Variants in TRIM14 observed in about 807,000 individuals in gnomAD.
TRIM14 encodes the protein tripartite motif containing 14.
Under a neutral mutation model 44.5 loss-of-function variants are expected in TRIM14, and 28 were observed. The observed-to-expected ratio is 0.63, with a 90% CI of 0.47 to 0.86. The LOEUF is 0.86. TRIM14 is among the 40% of genes least tolerant of loss of function. The pLI is 0.00. For synonymous variants in TRIM14, 299 were observed against 269.2 expected, an observed-to-expected ratio of 1.11 and a Z score of -1.08; for missense variants, 607 against 611.1, an observed-to-expected ratio of 0.99 and a Z score of 0.07.
At position 98,117,822 on chromosome 9, in the gene TRIM14, G is replaced by A. The variant is rs149533245; in HGVS notation, c.207+1160C>T. Among the ~76,000 whole-genome samples the A allele has an allele frequency of 3.5e-4, 54 of 152,262 alleles. 1 individual carries two copies. The East Asian group carries it at 9.8e-3, about 28-fold the overall frequency. ...AGTTGACAGTAGGTAGTGGGTAGGG[G>A]GATGGACAAATGGATGGGTGAGACT... On this transcript the variant is annotated intron_variant, in intron 1 of 5. Coordinates refer to ENST00000341469, the MANE Select transcript of TRIM14 (RefSeq NM_014788.4).
At chr9:98,076,812 C>A in intron 6 of TRIM14, 2 of 845,956 alleles carry the variant, frequency 2.4e-6, no homozygotes, top group Admixed American at 2.6e-5. Context: ...CGTCCCTCTA[C>A]TGCCTAAGAT....
the TRIM14 span, chr9:98,056,889 G>C: frequency 1.2e-6 from 2 of 1,611,152 alleles, no homozygotes; most frequent in Admixed American, 3.3e-5. Flanking sequence ...AGATCGGCCA[G>C]AACCACCAGG....
At chr9:98,101,024 T>C (rs543107050) in intron 2 of TRIM14, among the ~76,000 whole-genome samples, 1 of 152,312 alleles carries the variant, frequency 6.6e-6, no homozygotes, top group African/African-American at 2.4e-5. Flanking sequence ...TTGTCCAGGC[T>C]GAGTGCAGTG....
At chr9:98,075,880 G>A (rs1829569300) in intron 6 of TRIM14, 1 of 152,106 alleles carries the variant, frequency 6.6e-6, no homozygotes, top group South Asian at 2.1e-4. Flanking sequence ...AAGTTTTTGA[G>A]TTCTTATAAT....
At chr9:98,111,782 T>G (rs138758509) in intron 1 of TRIM14, among the ~76,000 whole-genome samples, 1 of 151,714 alleles carries the variant, frequency 6.6e-6, no homozygotes, top group East Asian at 2.0e-4. Flanking sequence ...CTACTACAAA[T>G]ACAAAATTAG....
At chr9:98,107,407 T>TA (rs902309295) in intron 2 of TRIM14, among the ~76,000 whole-genome samples, 4 of 152,190 alleles carry the variant, frequency 2.6e-5, no homozygotes, top group African/African-American at 7.2e-5. Context: ...GTAAATGGTT[T>TA]AAAAAACCTC....
downstream of TRIM14, among the ~76,000 whole-genome samples, chr9:98,083,866 T>TATA (rs1251058530): frequency 6.6e-6 from 1 of 152,212 alleles, no homozygotes; most frequent in African/African-American, 2.4e-5. Context: ...GAGTTCAAGC[T>TATA]ATAATACGAT....
chr9:98,049,709 T>C, the TRIM14 span, among the ~76,000 whole-genome samples: 1 of 152,152 alleles, frequency 6.6e-6, no homozygotes, highest in South Asian at 2.1e-4. Context: ...CCACTACTTT[T>C]TATCAGCAAG....
intron 2 of TRIM14, 101 bp from the exon 3 acceptor site, chr9:98,100,265 TA>T: frequency 9.5e-7 from 1 of 1,049,140 alleles, no homozygotes; most frequent in African/African-American, 1.6e-5. Context: ...GTGAGTTCAG[TA>T]AAGTGGCCAG....
intron 1 of TRIM14, among the ~76,000 whole-genome samples, chr9:98,116,606 G>T (rs961471503): frequency 1.3e-5 from 2 of 151,996 alleles, no homozygotes; most frequent in Admixed American, 1.3e-4. Flanking sequence ...GAAGGCTGAG[G>T]CAAGAGGATC....
chr9:98,118,938 T>G (rs889110726), intron 1 of TRIM14, 44 bp downstream of exon 1: 1 of 1,452,352 alleles, frequency 6.9e-7, no homozygotes, highest in East Asian at 2.9e-5. Context: ...CTGGGCTGGC[T>G]CCCCCAACTC....
chr9:98,081,689 G>A (rs1829869910), downstream of TRIM14: 1 of 152,464 alleles, frequency 6.6e-6, no homozygotes, highest in Non-Finnish European at 1.5e-5. Context: ...CTTGCCTTCT[G>A]AGTCATAGAG....
intron 2 of TRIM14, among the ~76,000 whole-genome samples, chr9:98,102,210 A>G (rs1158989143): frequency 6.6e-6 from 1 of 152,060 alleles, no homozygotes; most frequent in Non-Finnish European, 1.5e-5. Flanking sequence ...CATTCAGCTC[A>G]AGCAGCACAA....
chr9:98,055,260 C>A, the TRIM14 span, among the ~76,000 whole-genome samples: 1 of 152,124 alleles, frequency 6.6e-6, no homozygotes, highest in Non-Finnish European at 1.5e-5. Context: ...CTCAGGTGAT[C>A]CACCCGCCTC....
At chr9:98,040,135 T>C in the TRIM14 span, among the ~76,000 whole-genome samples, 44,017 of 151,916 alleles carry the variant, frequency 0.29, 6,611 homozygotes, top group Admixed American at 0.31. Context: ...TGAGCCACTG[T>C]ACCCGGCATC....
intron 1 of TRIM14, among the ~76,000 whole-genome samples, chr9:98,112,839 C>T (rs9775604): frequency 0.11 from 15,775 of 145,378 alleles, 2,600 homozygotes; most frequent in African/African-American, 0.36. Flanking sequence ...AATGGCCAGG[C>T]GCGGTGGTTC....
downstream of TRIM14, among the ~76,000 whole-genome samples, chr9:98,066,665 T>TG (rs2131629285): frequency 6.6e-6 from 1 of 152,104 alleles, no homozygotes; most frequent in Admixed American, 6.6e-5. Context: ...TTTTTTTTTT[T>TG]TTTGAGACAG....
At chr9:98,053,504 C>T in the TRIM14 span, among the ~76,000 whole-genome samples, 7 of 152,118 alleles carry the variant, frequency 4.6e-5, no homozygotes, top group African/African-American at 1.7e-4. Context: ...TGTGATGCCC[C>T]CTCCATTATA....
chr9:98,061,167 G>A, the TRIM14 span: 2 of 642,888 alleles, frequency 3.1e-6, no homozygotes, highest in South Asian at 3.8e-5. Flanking sequence ...TGGGAAGGAT[G>A]CCATTGTTTT....
Sources: allele counts gnomAD v4.1 joint callset (sites outside exome capture counted in the v4.1 genomes callset), GRCh38; gene constraint gnomAD v4.1.1; transcripts MANE v1.5; gene names NCBI Gene and HGNC (gene_info 2026-07-23, HGNC 2026-07-21).